ADGRL2: variants seen among roughly 807,000 people sequenced by gnomAD.
ADGRL2 encodes the protein adhesion G protein-coupled receptor L2, also known as calcium-independent alpha-latrotoxin receptor 2.
In ADGRL2, 44 loss-of-function variants were observed where a neutral mutation model predicts 157.4. That is an observed-to-expected ratio of 0.28 (90% CI 0.22 to 0.36). ADGRL2 has a LOEUF of 0.36. ADGRL2 is among the 10% of genes least tolerant of loss of function. The pLI is 1.00. For missense variants in ADGRL2, 1,510 were observed against 1,768.9 expected (o/e 0.85, Z 2.63); for synonymous variants, 585 against 624.7 (o/e 0.94, Z 0.95).
chr1:81,843,107 A>G (rs1056380188), intron 2 of ADGRL2, among the ~76,000 whole-genome samples: 2 of 152,146 alleles, frequency 1.3e-5, no homozygotes, highest in Non-Finnish European at 1.5e-5. Context: ...ATTAACACCC[A>G]GCTAAAGCAA....
At chr1:81,460,306 G>T (rs942293542) in intron 2 of ADGRL2, among the ~76,000 whole-genome samples, 2 of 151,612 alleles carry the variant, frequency 1.3e-5, no homozygotes, top group Middle Eastern at 3.5e-3. Flanking sequence ...TGATTGGGTT[G>T]ATATCTCCAG....
chr1:81,454,420 A>G (rs1332927098), intron 2 of ADGRL2, among the ~76,000 whole-genome samples: 3 of 152,202 alleles, frequency 2.0e-5, no homozygotes, highest in Non-Finnish European at 4.4e-5. Flanking sequence ...ATTTCCAAGT[A>G]TCATCTTTGT....
intron 22 of ADGRL2, chr1:81,987,241 A>G (rs892858089): frequency 6.7e-7 from 1 of 1,488,810 alleles, no homozygotes; most frequent in Admixed American, 1.8e-5. Context: ...TACAATAATG[A>G]TCCATGTTTT....
chr1:81,810,953 G>T (rs1263753919), intron 1 of ADGRL2, among the ~76,000 whole-genome samples: 1 of 151,768 alleles, frequency 6.6e-6, no homozygotes, highest in African/African-American at 2.4e-5. Flanking sequence ...AATATTAGGT[G>T]CTTCCTCTTG....
intron 1 of ADGRL2, among the ~76,000 whole-genome samples, chr1:81,833,293 C>T (rs1175099482): frequency 6.6e-6 from 1 of 152,294 alleles, no homozygotes; most frequent in African/African-American, 2.4e-5. Context: ...TGGTAGTTCT[C>T]ATGCTTAGCT....
chr1:81,603,743 T>C (rs1381776869), intron 3 of ADGRL2, among the ~76,000 whole-genome samples: 3 of 148,376 alleles, frequency 2.0e-5, no homozygotes, highest in Non-Finnish European at 4.6e-5. Context: ...TCATCTTTTA[T>C]GCCCAAAAAA....
intron 1 of ADGRL2, among the ~76,000 whole-genome samples, chr1:81,747,040 A>ACACACG (rs2085296304): frequency 2.7e-5 from 4 of 147,388 alleles, no homozygotes; most frequent in Non-Finnish European, 6.0e-5. Context: ...ATACGTATAT[A>ACACACG]TATGTATATA....
intron 1 of ADGRL2, among the ~76,000 whole-genome samples, chr1:81,306,955 CAACAAAATAA>C (rs149735385): frequency 6.6e-6 from 1 of 152,174 alleles, no homozygotes; most frequent in African/African-American, 2.4e-5. Context: ...TTAACAACAG[CAACAAAATAA>C]TAGATTTTAC....
At chr1:81,710,494 C>A (rs2083889734) in intron 1 of ADGRL2, among the ~76,000 whole-genome samples, 1 of 151,464 alleles carries the variant, frequency 6.6e-6, no homozygotes, top group African/African-American at 2.4e-5. Flanking sequence ...GTGGCACACA[C>A]CTGTAGTCCC....
intron 2 of ADGRL2, among the ~76,000 whole-genome samples, chr1:81,768,847 G>A (rs1026017650): frequency 5.9e-5 from 9 of 152,040 alleles, no homozygotes; most frequent in African/African-American, 2.2e-4. Context: ...TTGGGAGGTC[G>A]AGGCAGGCAG....
At chr1:81,504,952 G>A (rs984127192) in intron 2 of ADGRL2, 5 of 308,306 alleles carry the variant, frequency 1.6e-5, no homozygotes, top group African/African-American at 6.4e-5. Context: ...ATTCGCTTGC[G>A]GCTCACCTCA....
intron 3 of ADGRL2, among the ~76,000 whole-genome samples, chr1:81,620,204 C>A (rs1425587667): frequency 1.3e-5 from 2 of 152,060 alleles, no homozygotes; most frequent in Non-Finnish European, 2.9e-5. Flanking sequence ...TAGTTGTAGG[C>A]AATACATAGG....
At chr1:81,527,274 C>T (rs887764581) in intron 2 of ADGRL2, among the ~76,000 whole-genome samples, 6 of 152,120 alleles carry the variant, frequency 3.9e-5, no homozygotes, top group Admixed American at 1.3e-4. Flanking sequence ...TGTTGTCAGT[C>T]GCAGCTGTAG....
intron 1 of ADGRL2, among the ~76,000 whole-genome samples, chr1:81,336,728 G>A (rs1306846504): frequency 6.6e-6 from 1 of 152,138 alleles, no homozygotes; most frequent in Non-Finnish European, 1.5e-5. Flanking sequence ...ATATGGACAG[G>A]AGGCAGGGAA....
chr1:81,433,653 G>GT (rs1226464806), intron 1 of ADGRL2, among the ~76,000 whole-genome samples: 2 of 152,110 alleles, frequency 1.3e-5, no homozygotes, highest in Non-Finnish European at 2.9e-5. Flanking sequence ...CTTTCCCTTG[G>GT]TTTTCTCATT....
At chr1:81,904,468 A>C (rs1452722465) in intron 2 of ADGRL2, among the ~76,000 whole-genome samples, 3 of 152,214 alleles carry the variant, frequency 2.0e-5, no homozygotes, top group Non-Finnish European at 4.4e-5. Context: ...AGTTTTATTT[A>C]GCTTATGGTT....
chr1:81,810,989 A>G (rs1296233053), intron 1 of ADGRL2, among the ~76,000 whole-genome samples: 1 of 151,808 alleles, frequency 6.6e-6, no homozygotes, highest in East Asian at 1.9e-4. Context: ...AATAAATAGG[A>G]ATGTTCTCCC....
At chr1:81,497,917 G>A (rs1272199966) in intron 2 of ADGRL2, among the ~76,000 whole-genome samples, 7 of 152,198 alleles carry the variant, frequency 4.6e-5, no homozygotes, top group Non-Finnish European at 1.0e-4. Flanking sequence ...TGACAGAATA[G>A]GTATGGCAAA....
chr1:81,950,622 G>C (rs1217297439), intron 7 of ADGRL2, 140 bp downstream of exon 7: 79 of 807,834 alleles, frequency 9.8e-5, no homozygotes, highest in Non-Finnish European at 1.5e-4. Context: ...TAACATCTAT[G>C]GACAAAGTTT....
Sources: gnomAD v4.1 joint callset for allele counts (sites outside exome capture counted in the v4.1 genomes callset) on GRCh38, gnomAD v4.1.1 for gene constraint, MANE v1.5 for transcripts, NCBI Gene and HGNC (gene_info 2026-07-23, HGNC 2026-07-21) for gene names.